The following VPS13D variants were observed in gnomAD, a reference collection of about 807,000 sequenced individuals.
The protein encoded by VPS13D is intermembrane lipid transfer protein VPS13D.
Under a neutral mutation model 461.9 loss-of-function variants are expected in VPS13D, and 187 were observed. The observed-to-expected ratio is 0.40, with a 90% CI of 0.36 to 0.46. The LOEUF (loss-of-function observed/expected upper bound fraction) is 0.46, where lower values mean the gene tolerates loss of function less well. VPS13D is among the 20% of genes least tolerant of loss of function. VPS13D has a pLI of 0.60. For synonymous variants in VPS13D, 1,951 were observed against 1,986.3 expected (o/e 0.98, Z 0.47); for missense variants, 4,711 against 5,364.9 (o/e 0.88, Z 3.81).
chr1:12,236,557 T>G (rs943806614), intron 2 of VPS13D, among the ~76,000 whole-genome samples: 29 of 152,144 alleles, frequency 1.9e-4, no homozygotes, highest in African/African-American at 7.0e-4. Flanking sequence ...ATTTTTATAT[T>G]TTTTTGGTAG....
intron 65 of VPS13D, among the ~76,000 whole-genome samples, chr1:12,438,937 C>T (rs1346476864): frequency 6.6e-6 from 1 of 152,178 alleles, no homozygotes. Flanking sequence ...GCCGCATGTC[C>T]AGTCCCTCAG....
At chr1:12,356,182 T>TA in intron 48 of VPS13D, 92 bp downstream of exon 48, 5 of 1,470,240 alleles carry the variant, frequency 3.4e-6, no homozygotes, top group Non-Finnish European at 4.6e-6. Flanking sequence ...CCAATGCAAA[T>TA]AGATTACTTC....
At chr1:12,415,275 AGTT>A in intron 64 of VPS13D, 54 bp downstream of exon 64, 3 of 1,610,562 alleles carry the variant, frequency 1.9e-6, no homozygotes, top group Non-Finnish European at 1.7e-6. Flanking sequence ...TGTTTGTTTT[AGTT>A]GTTTGGGAAT....
chr1:12,262,141 G>A lies in VPS13D; in HGVS notation c.1594+61G>A, dbSNP rs140674850. ...TCTCTCTGTGGGCCAATGTCCAGGC[G>A]ATTCTCATTATTTGCTGTGGGGATA... is the stretch of plus-strand genomic sequence containing the variant. On this transcript the variant is annotated intron_variant, in intron 13 of 69. Coordinates refer to ENST00000620676, the MANE Select transcript of VPS13D (RefSeq NM_015378.4). The A allele has an allele frequency of 2.0e-3, 3,039 of 1,529,790 alleles. 16 individuals are homozygous for A. The highest frequency in any genetic ancestry group is 0.016 in the Middle Eastern group (86 of 5,520). The allele number at this position is 1,529,790 out of a possible 1,614,324, so 94.8% of individuals were successfully genotyped here. A position where few individuals can be genotyped will look rare whatever the true frequency, so the allele number is the denominator to read the frequency against.
chr1:12,474,782 G>A (rs1570246322), intron 67 of VPS13D, among the ~76,000 whole-genome samples: 1 of 152,152 alleles, frequency 6.6e-6, no homozygotes, highest in African/African-American at 2.4e-5. Flanking sequence ...AGCCTCCTAG[G>A]AAATTCTGGG....
chr1:12,394,384 C>G (rs764981500), intron 60 of VPS13D, among the ~76,000 whole-genome samples: 7 of 152,212 alleles, frequency 4.6e-5, no homozygotes, highest in Non-Finnish European at 8.8e-5. Flanking sequence ...ATGAGTCAGA[C>G]TATTCTGATT....
chr1:12,235,503 A>G (rs1003692007), intron 2 of VPS13D, among the ~76,000 whole-genome samples: 1 of 152,170 alleles, frequency 6.6e-6, no homozygotes, highest in Non-Finnish European at 1.5e-5. Flanking sequence ...TGAAACCAGA[A>G]GGCGGAGGTT....
intron 60 of VPS13D, among the ~76,000 whole-genome samples, chr1:12,398,961 C>T (rs1444673129): frequency 6.6e-6 from 1 of 152,138 alleles, no homozygotes; most frequent in East Asian, 1.9e-4. Flanking sequence ...AAGGGCCTCT[C>T]TTCTCAGCTT....
rs1645977007 is a variant in VPS13D, at chr1:12,497,552, C to T, written c.12715C>T (p.Leu4239=). 1 of 1,614,122 alleles carries T rather than the reference C, an allele frequency of 6.2e-7. No homozygotes were observed. Among genetic ancestry groups the T allele is most frequent in the Non-Finnish European group, 8.5e-7 (1 of 1,179,992 alleles). ...KPRCCTGPQG[L]LPRYSESQAE... ...GCGTTGCTGCACGGGGCCCCAGGGG[C>T]TGCTTCCCCGATATTCTGAGAGCCA... is the stretch of plus-strand genomic sequence containing the variant. Residue 4239 remains leucine, a synonymous_variant, in exon 68 of 70, where the codon CTG becomes TTG. Transcript: ENST00000620676.
At chr1:12,373,292 T>C (rs892181164) in intron 54 of VPS13D, among the ~76,000 whole-genome samples, 1 of 151,810 alleles carries the variant, frequency 6.6e-6, no homozygotes, top group Non-Finnish European at 1.5e-5. Context: ...GGCTAATTTT[T>C]GTGTTTTTAA....
Position 12,329,876 on chromosome 1 carries a change from C to T in VPS13D, c.8245C>T (p.His2749Tyr), listed in dbSNP as rs779051497. 5.0e-6 allele frequency: 8 copies of T among 1,613,972 alleles called. No individual in the cohort carries two copies. The African/African-American group carries it at 8.0e-5, about 16-fold the overall frequency. ...RVRTSPEGYA[H>Y]FTLSGDYYNR... Reference sequence around the variant, plus strand: ...AAGAACTAGCCCTGAAGGCTATGCCCACTTCACCCTTTCTGGAGATTATTA... The same window carrying T: ...AAGAACTAGCCCTGAAGGCTATGCCTACTTCACCCTTTCTGGAGATTATTA... Residue 2749 changes from histidine (H) to tyrosine (Y), a missense_variant, in exon 37 of 70, where the codon CAC becomes TAC. By Grantham distance (83) the His-to-Tyr change is moderately conservative (BLOSUM62 2). Transcript: ENST00000620676.
chr1:12,373,769 A>G lies in VPS13D; in HGVS notation c.10828A>G (p.Arg3610Gly). ...TTCTAGCTTGCAGGAGGGAACAGGC[A>G]GGCCTGTGGCTTCCAACAAGGCCAT... ...TFSGLQEGTG[R>G]PVASNKAITC... Residue 3610 changes from arginine (R) to glycine (G), a missense_variant, in exon 55 of 70, where the codon AGG (arginine) becomes GGG (glycine). Arg to Gly is a moderately radical substitution (Grantham distance 125). Around this residue, in one of 3 missense-constraint regions of VPS13D, gnomAD observed 4,411 missense variants for 4,937.8 expected, o/e 0.89. Transcript: ENST00000620676. The G allele has an allele frequency of 6.5e-7, 1 of 1,538,650 alleles. No individual in the cohort carries two copies. The highest frequency in any genetic ancestry group is 1.3e-5 in the South Asian group (1 of 78,272).
chr1:12,399,896 A>G (rs1644551470), intron 60 of VPS13D, among the ~76,000 whole-genome samples: 1 of 152,324 alleles, frequency 6.6e-6, no homozygotes, highest in African/African-American at 2.4e-5. Flanking sequence ...GGAATGGCTA[A>G]ATTGAGCTAA....
intron 34 of VPS13D, among the ~76,000 whole-genome samples, chr1:12,323,371 G>A (rs967524861): frequency 4.6e-5 from 7 of 151,882 alleles, no homozygotes; most frequent in African/African-American, 1.7e-4. Flanking sequence ...CCACTACTGT[G>A]CCCACCTCTA....
chr1:12,343,087 A>G (rs773592831), intron 42 of VPS13D, 36 bp downstream of exon 42: 2 of 1,559,672 alleles, frequency 1.3e-6, no homozygotes, highest in African/African-American at 2.7e-5. Flanking sequence ...TAAAAAAAAG[A>G]AAGTGGATGT....
rs1557476876 is a variant in VPS13D at position 12,495,560 on chromosome 1, C to A, written c.12663-1940C>A. 6.6e-6 allele frequency among the ~76,000 whole-genome samples: 1 copy of A among 152,138 alleles called. No individual in the cohort carries two copies. The highest frequency in any genetic ancestry group is 1.5e-5 in the Non-Finnish European group (1 of 68,034). ...ATGAGACTACTGTAATAATATATTA[C>A]AAATCCAGGGATCCTTTGTTAGTTA... On this transcript the variant is annotated intron_variant, in intron 67 of 69. Coordinates refer to ENST00000620676, the MANE Select transcript of VPS13D (RefSeq NM_015378.4). This position sits in a 1 kb window ranked among gnomAD's most constrained non-coding sequence, Gnocchi z 4.0.
At chr1:12,256,652 C>T (rs372346751) in intron 8 of VPS13D, 149 bp downstream of exon 8, 2 of 830,572 alleles carry the variant, frequency 2.4e-6, no homozygotes, top group Non-Finnish European at 1.8e-6. Flanking sequence ...TAAAACTCAC[C>T]GTCTGTTACA....
chr1:12,288,293 T>A lies in VPS13D; in HGVS notation c.5705T>A (p.Val1902Glu). ...ELAKANVSKL[V>E]AHLEMIEGDL... ...GCCAAAGCAAATGTGTCCAAATTAG[T>A]AGCACACCTGGAAATGATTGGTAAG... is the stretch of plus-strand genomic sequence containing the variant. The change falls in exon 22 of 70, where the codon GTA (valine) becomes GAA (glutamate). Residue 1902 changes from valine (V) to glutamate (E), a missense_variant. This residue lies in a region of VPS13D where 4,411 missense variants were observed against 4,937.8 expected (regional missense o/e 0.89). Transcript: ENST00000620676. 1 of 1,614,058 alleles carries A rather than the reference T, an allele frequency of 6.2e-7. No homozygotes were observed. The highest frequency in any genetic ancestry group is 1.1e-5 in the South Asian group (1 of 91,074).
At chr1:12,347,327 C>T (rs1347324599) in intron 44 of VPS13D, among the ~76,000 whole-genome samples, 1 of 152,136 alleles carries the variant, frequency 6.6e-6, no homozygotes. Context: ...CCTGCCACCA[C>T]CCCCGGCTAA....
Sources: gnomAD v4.1 joint callset for allele counts (sites outside exome capture counted in the v4.1 genomes callset) on GRCh38, gnomAD v4.1.1 for gene constraint, gnomAD v4.1.1 regional missense constraint, Gnocchi (gnomAD v3.1) non-coding constraint, MANE v1.5 for transcripts, NCBI Gene and HGNC (gene_info 2026-07-23, HGNC 2026-07-21) for gene names.